KIFC3: variants seen among roughly 807,000 people sequenced by gnomAD.
The protein encoded by KIFC3 is kinesin family member C3.
KIFC3 carries 60 observed loss-of-function variants against 101.8 expected under a neutral mutation model. The observed-to-expected ratio is 0.59, with a 90% confidence interval of 0.48 to 0.73. KIFC3 has a LOEUF of 0.73. Ranked by LOEUF, KIFC3 falls within the 30% of genes least tolerant of loss-of-function variation. The pLI is 0.00. For synonymous variants in KIFC3, 476 were observed against 482.7 expected, an observed-to-expected ratio of 0.99 and a Z score of 0.18; for missense variants, 966 against 1,137.1, an observed-to-expected ratio of 0.85 and a Z score of 2.16.
intron 1 of KIFC3, chr16:57,816,905 A>C (rs1555628981): frequency 2.7e-6 from 1 of 368,028 alleles, no homozygotes; most frequent in Non-Finnish European, 5.4e-6. Context: ...TTGAACCATA[A>C]TACTAAGAAT....
chr16:57,760,634 G>C (rs1292757704), intron 16 of KIFC3, 92 bp downstream of exon 16: 1 of 1,218,280 alleles, frequency 8.2e-7, no homozygotes, highest in African/African-American at 1.5e-5. Context: ...GGGGCGGGGA[G>C]GTCCATTTGC....
intron 1 of KIFC3, among the ~76,000 whole-genome samples, chr16:57,822,200 G>T (rs2055364202): frequency 6.6e-6 from 1 of 152,138 alleles, no homozygotes. Flanking sequence ...CACCTTTCGG[G>T]GCTGAGCACC....
In KIFC3 at chr16:57,769,793, A is replaced by G; in HGVS notation, c.1087+15T>C. Reference sequence around the variant, plus strand: ...CCGCGGCGTGGGGCAGACAGGGCCCAGCTGGTCAGCTCACCTGCTAGATTC... The same window carrying G: ...CCGCGGCGTGGGGCAGACAGGGCCCGGCTGGTCAGCTCACCTGCTAGATTC... On this transcript the variant is annotated intron_variant, in intron 8 of 19. Transcript: ENST00000445690. This position sits in a 1 kb window ranked among gnomAD's most constrained non-coding sequence, Gnocchi z 4.3. 1.9e-6 allele frequency: 3 copies of G among 1,613,172 alleles called. No homozygotes were observed. The highest frequency in any genetic ancestry group is 2.5e-6 in the Non-Finnish European group (3 of 1,179,960).
chr16:57,840,665 C>T (rs2055785994), intron 1 of KIFC3, among the ~76,000 whole-genome samples: 1 of 150,548 alleles, frequency 6.6e-6, no homozygotes, highest in African/African-American at 2.5e-5. Context: ...GAGGCTGAGG[C>T]AGGAGAATCA....
At chr16:57,799,777 G>A (rs1207659019) in intron 1 of KIFC3, among the ~76,000 whole-genome samples, 3 of 152,170 alleles carry the variant, frequency 2.0e-5, no homozygotes, top group Admixed American at 6.5e-5. Flanking sequence ...GAGAGGGACA[G>A]GAGCTCCAGG....
chr16:57,834,381 T>A (rs944761837), intron 1 of KIFC3, among the ~76,000 whole-genome samples: 1 of 152,182 alleles, frequency 6.6e-6, no homozygotes, highest in Non-Finnish European at 1.5e-5. Context: ...TTAAAAAAAT[T>A]ATCACAAAAG....
chr16:57,761,575 T>C (rs371117327), intron 13 of KIFC3, 39 bp from the exon 14 acceptor site: 1 of 1,600,548 alleles, frequency 6.2e-7, no homozygotes, highest in African/African-American at 1.3e-5. Context: ...CTCCTCCCAT[T>C]TCCAGCTGCT....
chr16:57,774,754 TG>T, intron 3 of KIFC3: 1 of 640,862 alleles, frequency 1.6e-6, no homozygotes, highest in Non-Finnish European at 2.3e-6. Context: ...CTTGAATTCC[TG>T]GCCTCAAGCA....
intron 1 of KIFC3, among the ~76,000 whole-genome samples, chr16:57,858,837 C>G (rs1435084384): frequency 6.6e-6 from 1 of 152,090 alleles, no homozygotes; most frequent in African/African-American, 2.4e-5. Flanking sequence ...GTAATCTCAG[C>G]TACTCCGGAG....
chr16:57,813,642 G>A (rs2055146864), intron 1 of KIFC3: 5 of 980,310 alleles, frequency 5.1e-6, no homozygotes, highest in Non-Finnish European at 6.1e-6. Flanking sequence ...ACAATAATTA[G>A]GATTTCCTAT....
In KIFC3 at chr16:57,771,437, C is replaced by A. The variant is rs2051183166; in HGVS notation, c.526G>T (p.Glu176Ter). 1.2e-6 allele frequency: 2 copies of A among 1,613,562 alleles called. No individual in the cohort carries two copies. Among genetic ancestry groups the A allele is most frequent in the Non-Finnish European group, 1.7e-6 (2 of 1,180,014 alleles). The change falls in exon 6 of 20, where the codon GAG becomes TAG. Residue 176 changes from glutamate to a stop codon, truncating the protein, a stop_gained and splice_region_variant. Transcript: ENST00000445690. LOFTEE classifies it high-confidence loss of function. Reference sequence around the variant, plus strand: ...AGCTTGTCACGGAGCTGGGCGCTCTCCTGCAGCCATTGGGAGGCACTGGAT... The same window carrying A: ...AGCTTGTCACGGAGCTGGGCGCTCTACTGCAGCCATTGGGAGGCACTGGAT... Reference protein sequence around the residue: ...GPCPGCEHSQESAQLRDKLSQ... With the variant: ...GPCPGCEHSQ
At chr16:57,781,543 C>T (rs2052737456) in intron 3 of KIFC3, among the ~76,000 whole-genome samples, 1 of 152,200 alleles carries the variant, frequency 6.6e-6, no homozygotes, top group Non-Finnish European at 1.5e-5. Context: ...CCTGGGTCAG[C>T]TGGGTGCTCA....
At chr16:57,772,142 C>A (rs936619254) in intron 4 of KIFC3, 81 bp downstream of exon 4, 12 of 1,229,530 alleles carry the variant, frequency 9.8e-6, no homozygotes, top group Non-Finnish European at 1.4e-5. Context: ...GAGAGAGGGT[C>A]GCACCCCTGC....
rs782654763 is a variant in KIFC3, at chr16:57,777,537, G to A, written c.316-5249C>T. On this transcript the variant is annotated intron_variant, in intron 3 of 19. Transcript: ENST00000445690. Reference sequence around the variant, plus strand: ...GAAGTTTGAGGCCACCCTGGCCAACGTGACGAAACCCCATCTCTACTAAAA... The same window carrying A: ...GAAGTTTGAGGCCACCCTGGCCAACATGACGAAACCCCATCTCTACTAAAA... 5.3e-5 allele frequency among the ~76,000 whole-genome samples: 8 copies of A among 151,970 alleles called. No individual in the cohort carries two copies. The East Asian group carries it at 1.4e-3, about 26-fold the overall frequency.
chr16:57,798,308 G>T, intron 1 of KIFC3, 26 bp from the exon 2 acceptor site: 1 of 1,535,956 alleles, frequency 6.5e-7, no homozygotes, highest in Non-Finnish European at 8.8e-7. Context: ...GGGGAGATAA[G>T]CTTGAAGACC....
At chr16:57,764,275 T>TGGGGGGGGGGGGGGGGGGGGGGGGGGG in intron 11 of KIFC3, 28 bp from the exon 12 acceptor site, 1 of 539,932 alleles carries the variant, frequency 1.9e-6, no homozygotes, top group East Asian at 4.6e-5. Context: ...GGGAGGCTGG[T>TGGGGGGGGGGGGGGGGGGGGGGGGGGG]GGGGGGGCTT....
chr16:57,796,385 G>C (rs139295937), intron 2 of KIFC3, among the ~76,000 whole-genome samples: 75 of 152,324 alleles, frequency 4.9e-4, no homozygotes, highest in Non-Finnish European at 1.0e-3. Flanking sequence ...GGGAGGTGGG[G>C]GGCATTCTCC....
At chr16:57,785,702 G>A in intron 3 of KIFC3, 1 of 1,170,752 alleles carries the variant, frequency 8.5e-7, no homozygotes, top group Non-Finnish European at 1.1e-6. Context: ...GAGGGCAGCA[G>A]AGGTCCCACG....
intron 1 of KIFC3, among the ~76,000 whole-genome samples, chr16:57,837,219 G>C (rs2055703736): frequency 6.6e-6 from 1 of 152,142 alleles, no homozygotes; most frequent in Non-Finnish European, 1.5e-5. Flanking sequence ...TATAATCCCA[G>C]CACATTGGGA....
Sources: gnomAD v4.1 joint callset for allele counts (sites outside exome capture counted in the v4.1 genomes callset) on GRCh38, gnomAD v4.1.1 for gene constraint, Gnocchi (gnomAD v3.1) non-coding constraint, MANE v1.5 for transcripts, NCBI Gene and HGNC (gene_info 2026-07-23, HGNC 2026-07-21) for gene names.